The following SNRPD3 variants were observed in gnomAD, a reference collection of about 807,000 sequenced individuals.
SNRPD3 encodes small nuclear ribonucleoprotein D3 polypeptide.
For synonymous variants in SNRPD3, 66 were observed against 58.4 expected (o/e 1.13, Z -0.59); for missense variants, 73 against 167.5 (o/e 0.44, Z 3.11).
At chr22:24,555,814 G>A (rs1235261857), upstream of SNRPD3, 5 of 1,547,238 alleles carry the variant, frequency 3.2e-6, no homozygotes, top group Admixed American at 7.8e-5. Flanking sequence ...GGCGGCCCCC[G>A]GGCCCAGTCA....
At chr22:24,569,891 A>G (rs2045233399) in intron 3 of SNRPD3, among the ~76,000 whole-genome samples, 1 of 152,266 alleles carries the variant, frequency 6.6e-6, no homozygotes, top group African/African-American at 2.4e-5. Flanking sequence ...TTCTAGCCCC[A>G]TGGAGTTTCC....
chr22:24,571,920 C>T lies in SNRPD3; in HGVS notation c.324C>T (p.Ala108=), dbSNP rs191281961. The change falls in exon 4 of 4, where the codon GCC becomes GCT. Residue 108 remains alanine, a synonymous_variant. Transcript: ENST00000215829. ...ATATTTTCTCTTCCCTTTCAGTGGCCGCAAGAGGAAGAGGACGTGGAATGG... is the reference window on the plus strand; with the variant it reads ...ATATTTTCTCTTCCCTTTCAGTGGCTGCAAGAGGAAGAGGACGTGGAATGG... ...GKAAILKAQV[A]ARGRGRGMGR... is the part of the protein sequence containing the mutation. 47 of 1,613,992 alleles carry T rather than the reference C, an allele frequency of 2.9e-5. No homozygotes were observed. The highest frequency in any genetic ancestry group is 1.2e-4 in the Admixed American group (7 of 59,980).
chr22:24,564,874 T>C (rs930405349), intron 2 of SNRPD3, among the ~76,000 whole-genome samples: 4 of 151,186 alleles, frequency 2.6e-5, no homozygotes, highest in African/African-American at 9.7e-5. Context: ...AGACATACTT[T>C]GCCTTGTTCA....
upstream of SNRPD3, chr22:24,555,943 C>A (rs1345047976): frequency 2.8e-6 from 3 of 1,068,920 alleles, no homozygotes; most frequent in East Asian, 5.2e-5. Context: ...AGGAAGGAGG[C>A]GGGCCCTGCG....
upstream of SNRPD3, chr22:24,555,819 C>CA: frequency 6.5e-7 from 1 of 1,546,400 alleles, no homozygotes; most frequent in Non-Finnish European, 8.7e-7. Context: ...CCCCCGGGCC[C>CA]AGTCATCAGC....
chr22:24,557,511 C>CT (rs11427005), intron 1 of SNRPD3, 146 bp from the exon 2 acceptor site: 290,003 of 419,904 alleles, frequency 0.69, 81,757 homozygotes, highest in African/African-American at 0.86. Flanking sequence ...AGGAGCTGAG[C>CT]TTTTTTTTTT....
chr22:24,556,319 C>T (rs899799443), intron 1 of SNRPD3, among the ~76,000 whole-genome samples: 2 of 151,772 alleles, frequency 1.3e-5, no homozygotes, highest in East Asian at 3.9e-4. Context: ...AGGCAGTAAT[C>T]TCGAAGTCAT....
chr22:24,564,838 T>C (rs571955734), intron 2 of SNRPD3, among the ~76,000 whole-genome samples: 4 of 152,030 alleles, frequency 2.6e-5, no homozygotes, highest in Non-Finnish European at 4.4e-5. Flanking sequence ...GTCTCTATTA[T>C]GTATTAGGCA....
At chr22:24,567,668 C>G (rs956781715) in intron 2 of SNRPD3, among the ~76,000 whole-genome samples, 1 of 152,030 alleles carries the variant, frequency 6.6e-6, no homozygotes, top group Non-Finnish European at 1.5e-5. Flanking sequence ...ATCGCTTGAA[C>G]CCGGGAGGCA....
chr22:24,568,192 G>T lies in SNRPD3; in HGVS notation c.319+16G>T. On this transcript the variant is annotated intron_variant, in intron 3 of 3. Coordinates refer to ENST00000215829, the MANE Select transcript of SNRPD3 (RefSeq NM_004175.5). ...AAGGCCCAAGGTAGGTGCTTTTCAT[G>T]CACAGGTTTTAAAATATAGGTTTGT... The T allele has an allele frequency of 6.3e-7, 1 of 1,592,096 alleles. No homozygotes were observed. The highest frequency in any genetic ancestry group is 8.6e-7 in the Non-Finnish European group (1 of 1,166,468).
intron 2 of SNRPD3, among the ~76,000 whole-genome samples, chr22:24,560,385 G>A (rs546314213): frequency 1.1e-4 from 16 of 142,248 alleles, no homozygotes; most frequent in African/African-American, 4.1e-4. Flanking sequence ...ACCTCCCAAA[G>A]TGCTGGGATT....
chr22:24,561,064 C>CTTTTTTTTTTTTT (rs1164120857), intron 2 of SNRPD3, among the ~76,000 whole-genome samples: 208 of 61,624 alleles, frequency 3.4e-3, no homozygotes, highest in Non-Finnish European at 3.9e-3. Context: ...TTTTTCTTTT[C>CTTTTTTTTTTTTT]TTTTTTTTTT....
chr22:24,562,359 G>C (rs551633999), intron 2 of SNRPD3, among the ~76,000 whole-genome samples: 56 of 152,182 alleles, frequency 3.7e-4, no homozygotes, highest in African/African-American at 1.3e-3. Flanking sequence ...GGCTAACACG[G>C]TGAAACCCTG....
At chr22:24,571,788 C>T in intron 3 of SNRPD3, 128 bp from the exon 4 acceptor site, 1 of 801,486 alleles carries the variant, frequency 1.2e-6, no homozygotes, top group South Asian at 1.6e-5. Context: ...ATGCAATGGC[C>T]AGGGTGGTGT....
At chr22:24,555,829 C>T, upstream of SNRPD3, 2 of 1,544,660 alleles carry the variant, frequency 1.3e-6, no homozygotes, top group Non-Finnish European at 8.7e-7. Flanking sequence ...CAGTCATCAG[C>T]CCTCTTTTCC....
In SNRPD3 at chr22:24,574,678, A is replaced by G. The variant is rs1161775017; in HGVS notation, c.*2701A>G. On this transcript the variant is annotated 3_prime_UTR_variant, in exon 4 of 4. Coordinates refer to ENST00000215829, the MANE Select transcript of SNRPD3 (RefSeq NM_004175.5). ...CACCTCAGCCTCCTGAGTAGCTAGA[A>G]ATACTGGTGCACACCACCATGCCTA... Among the ~76,000 whole-genome samples the G allele has an allele frequency of 1.3e-5, 2 of 152,122 alleles. No homozygotes were observed. The highest frequency in any genetic ancestry group is 1.3e-4 in the Admixed American group (2 of 15,262).
intron 2 of SNRPD3, among the ~76,000 whole-genome samples, chr22:24,564,406 T>C (rs1468948551): frequency 6.6e-6 from 1 of 152,228 alleles, no homozygotes; most frequent in Non-Finnish European, 1.5e-5. Flanking sequence ...GGAAAGTTGA[T>C]TAAACTGGGT....
intron 2 of SNRPD3, among the ~76,000 whole-genome samples, chr22:24,565,776 T>G (rs895181210): frequency 6.6e-6 from 1 of 152,158 alleles, no homozygotes; most frequent in African/African-American, 2.4e-5. Context: ...TTCTCCTGCC[T>G]CAGCCTCCCG....
Position 24,572,103 on chromosome 22 carries a change from T to C in SNRPD3, c.*126T>C, listed in dbSNP as rs1345922737. On this transcript the variant is annotated 3_prime_UTR_variant, in exon 4 of 4. Coordinates refer to ENST00000215829, the MANE Select transcript of SNRPD3 (RefSeq NM_004175.5). ...TTCTCTTTAGATCAGGGGAAATGTT[T>C]AAGCTAAATAAATCTGGGGGGTTTT... 1 of 1,519,354 alleles carries C rather than the reference T, an allele frequency of 6.6e-7. No individual in the cohort carries two copies. Among genetic ancestry groups the C allele is most frequent in the East Asian group, 2.5e-5 (1 of 40,816 alleles). The allele number at this position is 1,519,354 out of a possible 1,614,324, so 94.1% of individuals were successfully genotyped here.
Sources: gnomAD v4.1 joint callset for allele counts (sites outside exome capture counted in the v4.1 genomes callset) on GRCh38, gnomAD v4.1.1 for gene constraint, MANE v1.5 for transcripts, NCBI Gene and HGNC (gene_info 2026-07-23, HGNC 2026-07-21) for gene names.